FZD3: variants seen among roughly 807,000 people sequenced by gnomAD.
FZD3 encodes frizzled class receptor 3.
FZD3 carries 30 observed loss-of-function variants against 60.7 expected under a neutral mutation model. That is an observed-to-expected ratio of 0.49 (90% CI 0.37 to 0.67). The LOEUF is 0.67. FZD3 is among the 30% of genes least tolerant of loss of function. The probability of loss-of-function intolerance (pLI) is 0.00; values close to 1 mark genes in which losing one functional copy is unlikely to be tolerated. For synonymous variants in FZD3, 246 were observed against 275.2 expected (o/e 0.89, Z 1.05); for missense variants, 605 against 838.7 (o/e 0.72, Z 3.44).
intron 7 of FZD3, among the ~76,000 whole-genome samples, chr8:28,561,312 C>T (rs1805608558): frequency 6.6e-6 from 1 of 152,158 alleles, no homozygotes; most frequent in Non-Finnish European, 1.5e-5. Flanking sequence ...CCATCTCAGC[C>T]TCCCAAAGTG....
rs1804743401 is a variant in FZD3, at chr8:28,527,442, G to T, written c.682G>T (p.Val228Phe). Residue 228 changes from valine to phenylalanine, a missense_variant, in exon 5 of 8, where the codon GTC (valine) becomes TTC (phenylalanine). By Grantham distance (50) the Val-to-Phe change is conservative. Transcript: ENST00000240093. The surrounding 1 kb of genome is among the most constrained non-coding windows in gnomAD (Gnocchi z 5.0). ...LFTFLTFLIDVTRFRYPERPI... is the reference protein window; with the variant it reads ...LFTFLTFLIDFTRFRYPERPI... ...TACTTTTTTAACTTTTTTGATTGAT[G>T]TCACAAGATTCCGTTATCCTGAAAG... The T allele has an allele frequency of 6.2e-7, 1 of 1,613,444 alleles. No homozygotes were observed. The highest frequency in any genetic ancestry group is 8.5e-7 in the Non-Finnish European group (1 of 1,179,508).
In FZD3 at chr8:28,570,624, C is replaced by CA. The variant is rs537672856; in HGVS notation, c.*7626dup. 0.024 allele frequency: 2,450 copies of CA among 103,464 alleles called. 62 individuals carry two copies. The highest frequency in any genetic ancestry group is 0.076 in the East Asian group (264 of 3,474). 6.4% of individuals were successfully genotyped at this position (103,464 alleles called of 1,614,324 possible). On this transcript the variant is annotated 3_prime_UTR_variant, in exon 8 of 8. Transcript: ENST00000240093. ...TGGGCAACGGAGCGAGACTCTATCT[C>CA]AAAAAAAAAAAAAGAAAAAAAAAAA... is the stretch of plus-strand genomic sequence containing the variant.
intron 5 of FZD3, among the ~76,000 whole-genome samples, chr8:28,538,773 T>C (rs1450245969): frequency 6.6e-6 from 1 of 151,568 alleles, no homozygotes; most frequent in Non-Finnish European, 1.5e-5. Flanking sequence ...CTAGAAACTA[T>C]TCTCCCATAA....
chr8:28,573,159 A>G lies in FZD3; in HGVS notation c.*10148A>G, dbSNP rs1805835572. The G allele has an allele frequency of 6.6e-6, 1 of 152,094 alleles. No individual in the cohort carries two copies. The highest frequency in any genetic ancestry group is 2.4e-5 in the African/African-American group (1 of 41,428). The allele number at this position is 152,094 out of a possible 1,614,324, so 9.4% of individuals were successfully genotyped here. On this transcript the variant is annotated 3_prime_UTR_variant, in exon 8 of 8. Transcript: ENST00000240093. ...ATGCTGCATTCTCCAAAACTTCCTT[A>G]CCTGCCTTCTATCCCCTAGTCATTC...
rs1424941335 is a variant in FZD3 at position 28,574,084 on chromosome 8, G to C, written c.*11073G>C. 3 of 152,176 alleles carry C rather than the reference G, an allele frequency of 2.0e-5. No homozygotes were observed. Among genetic ancestry groups the C allele is most frequent in the African/African-American group, 7.2e-5 (3 of 41,446 alleles). The allele number at this position is 152,176 out of a possible 1,614,324, so 9.4% of individuals were successfully genotyped here. A position where few individuals can be genotyped will look rare whatever the true frequency, so the allele number is the denominator to read the frequency against. On this transcript the variant is annotated 3_prime_UTR_variant, in exon 8 of 8. Coordinates refer to ENST00000240093, the MANE Select transcript of FZD3 (RefSeq NM_017412.4). ...ATGAACTGGGAATTTCACATTCTCTGATGTGCTTTGCACTCTGCTCTTGTA... is the reference window on the plus strand; with the variant it reads ...ATGAACTGGGAATTTCACATTCTCTCATGTGCTTTGCACTCTGCTCTTGTA...
At chr8:28,534,849 C>T (rs1031005843) in intron 5 of FZD3, among the ~76,000 whole-genome samples, 24 of 152,186 alleles carry the variant, frequency 1.6e-4, no homozygotes, top group African/African-American at 5.5e-4. Context: ...GTAATAACCA[C>T]ACATACTTGA....
intron 5 of FZD3, among the ~76,000 whole-genome samples, chr8:28,531,049 T>G (rs996302451): frequency 5.9e-5 from 9 of 152,190 alleles, no homozygotes; most frequent in Non-Finnish European, 1.2e-4. Context: ...ATGGCATATG[T>G]ATCTGTATCT....
chr8:28,538,270 C>T (rs548397691), intron 5 of FZD3, among the ~76,000 whole-genome samples: 1 of 151,828 alleles, frequency 6.6e-6, no homozygotes, highest in African/African-American at 2.4e-5. Context: ...CATTACCATA[C>T]CAATTTAAGG....
chr8:28,528,313 G>T (rs1804773662), intron 5 of FZD3, 149 bp downstream of exon 5: 4 of 627,882 alleles, frequency 6.4e-6, no homozygotes, highest in Admixed American at 6.0e-5. Flanking sequence ...CAAATATGTT[G>T]TAGTAAATAT....
intron 3 of FZD3, among the ~76,000 whole-genome samples, chr8:28,520,221 C>A (rs200468509): frequency 4.3e-3 from 564 of 130,718 alleles, no homozygotes; most frequent in Non-Finnish European, 5.2e-3. Flanking sequence ...AAAAAAACAA[C>A]AAAAAAAAAA....
intron 1 of FZD3, among the ~76,000 whole-genome samples, chr8:28,496,710 C>T (rs1585935083): frequency 6.6e-6 from 1 of 152,070 alleles, no homozygotes; most frequent in African/African-American, 2.4e-5. Context: ...AATGAGTTTC[C>T]TCTTTTTGCT....
At chr8:28,544,074 G>A (rs554216463) in intron 5 of FZD3, among the ~76,000 whole-genome samples, 1 of 151,696 alleles carries the variant, frequency 6.6e-6, no homozygotes, top group Non-Finnish European at 1.5e-5. Flanking sequence ...CGCAGAGTAT[G>A]ATACTCTGCG....
At chr8:28,556,927 G>C (rs1007521466) in intron 7 of FZD3, among the ~76,000 whole-genome samples, 2 of 152,188 alleles carry the variant, frequency 1.3e-5, no homozygotes, top group Non-Finnish European at 2.9e-5. Flanking sequence ...TGAGAAATGA[G>C]ACACTAGAAT....
intron 3 of FZD3, among the ~76,000 whole-genome samples, chr8:28,512,890 A>T (rs2130318844): frequency 6.6e-6 from 1 of 152,294 alleles, no homozygotes; most frequent in Non-Finnish European, 1.5e-5. Context: ...AATTATTAAC[A>T]TTTTATGGAT....
At chr8:28,500,633 A>G (rs377149721) in intron 2 of FZD3, among the ~76,000 whole-genome samples, 3 of 152,232 alleles carry the variant, frequency 2.0e-5, no homozygotes, top group East Asian at 3.8e-4. Context: ...CTGAACTTAC[A>G]TGGATGTTTT....
At chr8:28,525,122 G>C (rs1418201870) in intron 4 of FZD3, among the ~76,000 whole-genome samples, 1 of 152,044 alleles carries the variant, frequency 6.6e-6, no homozygotes, top group Non-Finnish European at 1.5e-5. Flanking sequence ...CTGATTACTT[G>C]GGTTAGGGTT....
chr8:28,536,833 A>G (rs970724447), intron 5 of FZD3, among the ~76,000 whole-genome samples: 2 of 152,224 alleles, frequency 1.3e-5, no homozygotes, highest in Non-Finnish European at 2.9e-5. Context: ...GCAGAATAAC[A>G]TTAAATCTAA....
chr8:28,560,134 T>TGATAGCAAATAG (rs1805588710), intron 7 of FZD3, among the ~76,000 whole-genome samples: 1 of 152,198 alleles, frequency 6.6e-6, no homozygotes, highest in Non-Finnish European at 1.5e-5. Flanking sequence ...GTTAATTCAG[T>TGATAGCAAATAG]TATTTAGATT....
rs1273038404 is a variant in FZD3 at position 28,572,806 on chromosome 8, T to C, written c.*9795T>C. 2 of 152,026 alleles carry C rather than the reference T, an allele frequency of 1.3e-5. No individual in the cohort carries two copies. Among genetic ancestry groups the C allele is most frequent in the Non-Finnish European group, 2.9e-5 (2 of 68,000 alleles). 9.4% of individuals were successfully genotyped at this position (152,026 alleles called of 1,614,324 possible). On this transcript the variant is annotated 3_prime_UTR_variant, in exon 8 of 8. Transcript: ENST00000240093. ...GGATTTTCTTTTTACCTTTATTTCA[T>C]TATAAAAGTATATGAGTTGAAGATC...
Sources: allele counts gnomAD v4.1 joint callset (sites outside exome capture counted in the v4.1 genomes callset), GRCh38; gene constraint gnomAD v4.1.1; non-coding constraint Gnocchi (gnomAD v3.1); transcripts MANE v1.5; gene names NCBI Gene and HGNC (gene_info 2026-07-23, HGNC 2026-07-21).